Variants in RECQL4 observed in about 807,000 individuals in gnomAD.
RECQL4 encodes the protein RecQ like helicase 4.
Under a neutral mutation model 128.6 loss-of-function variants are expected in RECQL4, and 158 were observed. That is an observed-to-expected ratio of 1.23 (90% CI 1.08 to 1.40). The LOEUF is 1.40. RECQL4 is among the 40% of genes most tolerant of loss of function. The probability of loss-of-function intolerance (pLI) is 0.00; values close to 1 mark genes in which losing one functional copy is unlikely to be tolerated. For missense variants in RECQL4, 2,293 were observed against 1,649.8 expected, an observed-to-expected ratio of 1.39 and a Z score of -6.75; for synonymous variants, 996 against 678.9, an observed-to-expected ratio of 1.47 and a Z score of -7.26.
chr8:144,512,284 C>G lies in RECQL4; in HGVS notation c.3096G>C (p.Glu1032Asp), dbSNP rs2130660032. The G allele has an allele frequency of 1.9e-6, 3 of 1,612,522 alleles. No individual in the cohort carries two copies. The highest frequency in any genetic ancestry group is 2.5e-6 in the Non-Finnish European group (3 of 1,179,796). Residue 1032 changes from glutamate to aspartate, a missense_variant, in exon 18 of 21, where the codon GAG becomes GAC. Physicochemically the swap from Glu to Asp is conservative, Grantham distance 45 (BLOSUM62 2). Coordinates refer to ENST00000617875, the MANE Select transcript of RECQL4 (RefSeq NM_004260.4). ...CCGGGCTGCGAAGGTGGAAGGCCAG[C>G]TCACTGAACTCCACAAGCACCCCTG... The part of the protein sequence containing the change: ...RGTGVLVEFS[E>D]LAFHLRSPGD...
intron 9 of RECQL4, 49 bp downstream of exon 9, chr8:144,514,887 A>G (rs1442176040): frequency 6.3e-7 from 1 of 1,598,176 alleles, no homozygotes; most frequent in Non-Finnish European, 8.5e-7. Flanking sequence ...GGGAGTCACA[A>G]GTGCTGGTTC....
At position 144,516,693 on chromosome 8, in the gene RECQL4, G is replaced by A. The variant is rs1471399547; in HGVS notation, c.426C>T (p.Pro142=). Reference sequence around the variant, plus strand: ...AGGAGGGGACAGGCCCTGTACCTGGGGGCTTTGGGGTGGATGCCTTAGATG... The same window carrying A: ...AGGAGGGGACAGGCCCTGTACCTGGAGGCTTTGGGGTGGATGCCTTAGATG... ...RASSKASTPK[P]PGTGPVPSFA... Residue 142 remains proline, a synonymous_variant, in exon 5 of 21, where the codon CCC becomes CCT. Transcript: ENST00000617875. 3.2e-6 allele frequency: 5 copies of A among 1,561,626 alleles called. No individual in the cohort carries two copies. Among genetic ancestry groups the A allele is most frequent in the Admixed American group, 3.8e-5 (2 of 52,962 alleles).
chr8:144,517,408 G>A lies in RECQL4; in HGVS notation c.213+6C>T, dbSNP rs1554904641. ...GGAGGAGGCTGGGGCGGCGGGGCCT[G>A]GGTACCTCTTCGGCCGCCGCGGGGA... On this transcript the variant is annotated splice_donor_region_variant and intron_variant, in intron 3 of 20. Coordinates refer to ENST00000617875, the MANE Select transcript of RECQL4 (RefSeq NM_004260.4). 6 of 1,565,492 alleles carry A rather than the reference G, an allele frequency of 3.8e-6. No individual in the cohort carries two copies. Among genetic ancestry groups the A allele is most frequent in the East Asian group, 2.3e-5 (1 of 43,030 alleles).
At chr8:144,511,659 G>A (rs1262136938) in intron 20 of RECQL4, 22 bp downstream of exon 20, 1 of 1,611,130 alleles carries the variant, frequency 6.2e-7, no homozygotes, top group Admixed American at 1.7e-5. Context: ...GCCTGCAGCG[G>A]GTGGGGCCTC....
rs762312510 is a variant in RECQL4 at position 144,512,425 on chromosome 8, A to G, written c.3022T>C (p.Cys1008Arg). ...WELASVRRALCQLQWDHEPRT... is the reference protein window; with the variant it reads ...WELASVRRALRQLQWDHEPRT... Reference sequence around the variant, plus strand: ...GGCTCGTGGTCCCACTGCAGCTGGCAGAGAGCCCGCCGCACAGAGGCCAGC... The same window carrying G: ...GGCTCGTGGTCCCACTGCAGCTGGCGGAGAGCCCGCCGCACAGAGGCCAGC... The change falls in exon 17 of 21, where the codon TGC (cysteine) becomes CGC (arginine). Residue 1008 changes from cysteine to arginine, a missense_variant. Cys to Arg is a radical substitution (Grantham distance 180, BLOSUM62 -3). Coordinates refer to ENST00000617875, the MANE Select transcript of RECQL4 (RefSeq NM_004260.4). 1 of 1,608,656 alleles carries G rather than the reference A, an allele frequency of 6.2e-7. No homozygotes were observed. The highest frequency in any genetic ancestry group is 8.5e-7 in the Non-Finnish European group (1 of 1,177,222).
intron 15 of RECQL4, 27 bp from the exon 16 acceptor site, chr8:144,512,798 C>T (rs373119828): frequency 4.2e-5 from 68 of 1,610,166 alleles, no homozygotes; most frequent in African/African-American, 3.9e-4. Flanking sequence ...GCTCAGCGGA[C>T]GCGGGGACAG....
chr8:144,511,582 GAGCCCC>G (rs763836396), intron 20 of RECQL4, 27 bp from the exon 21 acceptor site: 4 of 1,609,372 alleles, frequency 2.5e-6, no homozygotes, highest in South Asian at 1.1e-5. Flanking sequence ...ACACAGCCGT[GAGCCCC>G]AGCCCCAGCC....
chr8:144,511,890 G>A (rs2130653517), intron 19 of RECQL4, 21 bp downstream of exon 19: 2 of 1,610,006 alleles, frequency 1.2e-6, no homozygotes, highest in East Asian at 2.2e-5. Flanking sequence ...CCGATGAGCT[G>A]CCTGGCCTTA....
chr8:144,514,370 C>G lies in RECQL4; in HGVS notation c.1705-8G>C, dbSNP rs2130697169. 6.3e-7 allele frequency: 1 copy of G among 1,599,322 alleles called. No individual in the cohort carries two copies. Among genetic ancestry groups the G allele is most frequent in the Non-Finnish European group, 8.5e-7 (1 of 1,170,548 alleles). On this transcript the variant is annotated splice_region_variant and splice_polypyrimidine_tract_variant and intron_variant, in intron 10 of 20. Coordinates refer to ENST00000617875, the MANE Select transcript of RECQL4 (RefSeq NM_004260.4). ...TACCTGGGCTGCCCGAATCTGAAGG[C>G]AGCAAGATCAGAGGCACAGCCCAGG... is the stretch of plus-strand genomic sequence containing the variant.
rs1182814326 is a variant in RECQL4, at chr8:144,513,670, C to T, written c.2101G>A (p.Asp701Asn). The T allele has an allele frequency of 1.2e-5, 19 of 1,556,848 alleles. No individual in the cohort carries two copies. The highest frequency in any genetic ancestry group is 1.5e-5 in the Non-Finnish European group (17 of 1,151,286). Residue 701 changes from aspartate to asparagine, a missense_variant, in exon 13 of 21, where the codon GAT (aspartate) becomes AAT (asparagine). Asp to Asn is a conservative substitution (Grantham distance 23). Transcript: ENST00000617875. The part of the protein sequence containing the change: ...LLQGKRFQNL[D>N]SIIIYCNRRE... ...CGGTTGCAGTAAATGATAATGGAAT[C>T]GAGGTTTTGAAAACGTTTGCCTTGC... is the stretch of plus-strand genomic sequence containing the variant.
Position 144,514,950 on chromosome 8 carries a change from G to A in RECQL4, c.1606C>T (p.Leu536Phe), listed in dbSNP as rs1370366623. Residue 536 changes from leucine to phenylalanine, a missense_variant, in exon 9 of 21, where the codon CTC (leucine) becomes TTC (phenylalanine). Transcript: ENST00000617875. ...LTLVVSPLLS[L>F]MDDQVSGLPP... The stretch of plus-strand genomic sequence containing the variant: ...TGTGTGCACACCTGGTCATCCATGA[G>A]TGACAGCAGGGGAGAGACGACCAAC... 5.0e-6 allele frequency: 8 copies of A among 1,611,664 alleles called. No individual in the cohort carries two copies. The Admixed American group carries it at 5.0e-5, about 10-fold the overall frequency.
rs2130670688 is a variant in RECQL4 at position 144,512,953 on chromosome 8, C to T, written c.2649G>A (p.Glu883=). The T allele has an allele frequency of 6.4e-7, 1 of 1,574,008 alleles. No individual in the cohort carries two copies. The highest frequency in any genetic ancestry group is 8.6e-7 in the Non-Finnish European group (1 of 1,160,064). Residue 883 remains glutamate, a synonymous_variant, in exon 15 of 21, where the codon GAG becomes GAA. Coordinates refer to ENST00000617875, the MANE Select transcript of RECQL4 (RefSeq NM_004260.4). ...PVPKYPPQEA[E]QLSHQAAPGP... ...CTGGGGCTGCTTGGTGGCTAAGCTG[C>T]TCAGCCTCTTGAGGGGGGTACTTGG...
chr8:144,516,862 G>T, intron 4 of RECQL4, 98 bp from the exon 5 acceptor site: 1 of 1,390,978 alleles, frequency 7.2e-7, no homozygotes, highest in Non-Finnish European at 9.7e-7. Context: ...TTGTAGAGCA[G>T]GCTAATTAGC....
chr8:144,516,314 A>G lies in RECQL4; in HGVS notation c.805T>C (p.Trp269Arg). Reference protein sequence around the residue: ...GEKRRWNEEPWESPAQVQQES... With the variant: ...GEKRRWNEEPRESPAQVQQES... ...TGCTGGACCTGTGCGGGGCTCTCCCAGGGCTCCTCGTTCCATCTCCGCTTC... is the reference window on the plus strand; with the variant it reads ...TGCTGGACCTGTGCGGGGCTCTCCCGGGGCTCCTCGTTCCATCTCCGCTTC... Residue 269 changes from tryptophan to arginine, a missense_variant, in exon 5 of 21, where the codon TGG (tryptophan) becomes CGG (arginine). By Grantham distance (101) the Trp-to-Arg change is moderately radical. Coordinates refer to ENST00000617875, the MANE Select transcript of RECQL4 (RefSeq NM_004260.4). 1 of 1,609,988 alleles carries G rather than the reference A, an allele frequency of 6.2e-7. No individual in the cohort carries two copies. Among genetic ancestry groups the G allele is most frequent in the Non-Finnish European group, 8.5e-7 (1 of 1,179,048 alleles).
Position 144,512,387 on chromosome 8 carries a change from C to T in RECQL4, c.3055+5G>A, listed in dbSNP as rs377031190. 3.7e-4 allele frequency: 592 copies of T among 1,606,652 alleles called. No homozygotes were observed. The highest frequency in any genetic ancestry group is 4.4e-4 in the Non-Finnish European group (512 of 1,175,802). ...CAGGGCGGTGTGGGGTGGGGAGAGG[C>T]GCACCTGTCCTGGGCTCGTGGTCCC... is the stretch of plus-strand genomic sequence containing the variant. On this transcript the variant is annotated splice_donor_5th_base_variant and intron_variant, in intron 17 of 20. Transcript: ENST00000617875.
rs373178405 is a variant in RECQL4 at position 144,514,359 on chromosome 8, G to C, written c.1708C>G (p.Arg570Gly). 2 of 1,600,082 alleles carry C rather than the reference G, an allele frequency of 1.2e-6. No individual in the cohort carries two copies. Among genetic ancestry groups the C allele is most frequent in the Non-Finnish European group, 1.7e-6 (2 of 1,171,142 alleles). ...ATCAGCACGTGTACCTGGGCTGCCC[G>C]AATCTGAAGGCAGCAAGATCAGAGG... ...KQRESVLQKI[R>G]AAQVHVLMLT... The change falls in exon 11 of 21, where the codon CGG becomes GGG. Residue 570 changes from arginine to glycine, a missense_variant. Transcript: ENST00000617875.
chr8:144,515,776 A>G lies in RECQL4; in HGVS notation c.1246T>C (p.Cys416Arg), dbSNP rs373098131. 6.2e-7 allele frequency: 1 copy of G among 1,612,386 alleles called. No individual in the cohort carries two copies. The highest frequency in any genetic ancestry group is 1.3e-5 in the African/African-American group (1 of 75,028). ...NEQFDHWAAQ[C>R]PRPASEEDTD... ...GCAGATGTCTCACCTGGCCGGGGACACTGGGCTGCCCAGTGATCGAACTGC... is the reference window on the plus strand; with the variant it reads ...GCAGATGTCTCACCTGGCCGGGGACGCTGGGCTGCCCAGTGATCGAACTGC... The change falls in exon 6 of 21, where the codon TGT (cysteine) becomes CGT (arginine). Residue 416 changes from cysteine (C) to arginine (R), a missense_variant. Transcript: ENST00000617875.
rs566017378 is a variant in RECQL4 at position 144,516,406 on chromosome 8, T to C, written c.713A>G (p.Glu238Gly). The C allele has an allele frequency of 1.2e-6, 2 of 1,609,672 alleles. No homozygotes were observed. Among genetic ancestry groups the C allele is most frequent in the Non-Finnish European group, 1.7e-6 (2 of 1,179,712 alleles). The change falls in exon 5 of 21, where the codon GAG (glutamate) becomes GGG (glycine). Residue 238 changes from glutamate (E) to glycine (G), a missense_variant. Physicochemically the swap from Glu to Gly is moderately conservative, Grantham distance 98 (BLOSUM62 -2). Transcript: ENST00000617875. Reference protein sequence around the residue: ...LGPGAGSQGPEASAFQEVSIR... With the variant: ...LGPGAGSQGPGASAFQEVSIR... ...GCTGACTTCTTGGAAGGCTGAAGCC[T>C]CTGGGCCCTGGGAGCCAGCACCAGG...
chr8:144,515,228 C>T lies in RECQL4; in HGVS notation c.1405G>A (p.Val469Met), dbSNP rs781734288. Residue 469 changes from valine (V) to methionine (M), a missense_variant, in exon 8 of 21, where the codon GTG (valine) becomes ATG (methionine). Transcript: ENST00000617875. The part of the protein sequence containing the change: ...SGQLAETPAE[V>M]FQALEQLGHQ... The stretch of plus-strand genomic sequence containing the variant: ...CCCAGCTGCTCCAGGGCCTGGAACA[C>T]CTCAGCCGGCGTCTCTGCAGACACA... 8.8e-6 allele frequency: 14 copies of T among 1,582,918 alleles called. No individual in the cohort carries two copies. The East Asian group carries it at 2.1e-4, about 24-fold the overall frequency.
Sources: gnomAD v4.1 joint callset for allele counts on GRCh38, gnomAD v4.1.1 for gene constraint, MANE v1.5 for transcripts, NCBI Gene and HGNC (gene_info 2026-07-23, HGNC 2026-07-21) for gene names.